TBC1D1: variants seen among roughly 807,000 people sequenced by gnomAD.
TBC1D1 encodes TBC1 (tre-2/USP6, BUB2, cdc16) domain family, member 1.
TBC1D1 carries 89 observed loss-of-function variants against 125.6 expected under a neutral mutation model. The ratio of observed to expected loss-of-function variants is 0.71; its 90% CI spans 0.60 to 0.85. The LOEUF is 0.85. Among genes scored for constraint, TBC1D1 ranks in the 40% least tolerant of loss-of-function variants. The pLI is 0.00. For missense variants in TBC1D1, 1,377 were observed against 1,469.2 expected (o/e 0.94, Z 1.03); for synonymous variants, 565 against 564.1 (o/e 1.00, Z -0.02).
intron 17 of TBC1D1, among the ~76,000 whole-genome samples, chr4:38,122,471 T>C (rs1436323755): frequency 6.6e-6 from 1 of 152,188 alleles, no homozygotes; most frequent in African/African-American, 2.4e-5. Context: ...CCTCCCTGTA[T>C]TGACACCCTA....
intron 3 of TBC1D1, among the ~76,000 whole-genome samples, chr4:38,017,082 G>A (rs1029863480): frequency 6.6e-6 from 1 of 152,144 alleles, no homozygotes; most frequent in Non-Finnish European, 1.5e-5. Context: ...GATCTCAGGA[G>A]CCCCACCCAA....
At chr4:38,038,617 T>A (rs940052211) in intron 8 of TBC1D1, among the ~76,000 whole-genome samples, 7 of 152,178 alleles carry the variant, frequency 4.6e-5, no homozygotes, top group African/African-American at 1.7e-4. Context: ...CCACTGCTGC[T>A]ACATTCAGGT....
At chr4:38,000,452 C>T (rs530364462) in intron 2 of TBC1D1, among the ~76,000 whole-genome samples, 44 of 152,156 alleles carry the variant, frequency 2.9e-4, no homozygotes, top group Non-Finnish European at 5.3e-4. Flanking sequence ...AGTTGAGCAT[C>T]CCAAATCTGA....
At chr4:38,050,978 C>T (rs7675606) in intron 11 of TBC1D1, among the ~76,000 whole-genome samples, 48,258 of 152,094 alleles carry the variant, frequency 0.32, 8,079 homozygotes, top group East Asian at 0.62. Flanking sequence ...AGACACACAT[C>T]GTTGGGTTGT....
At chr4:38,108,642 C>T (rs1560807121) in intron 15 of TBC1D1, among the ~76,000 whole-genome samples, 1 of 152,200 alleles carries the variant, frequency 6.6e-6, no homozygotes, top group Non-Finnish European at 1.5e-5. Context: ...GTCCAGACTA[C>T]ACGTGTGGGT....
Position 38,014,782 on chromosome 4 carries a change from C to G in TBC1D1, c.691C>G (p.Pro231Ala), listed in dbSNP as rs756003816. 2 of 1,600,690 alleles carry G rather than the reference C, an allele frequency of 1.2e-6. No homozygotes were observed. Among genetic ancestry groups the G allele is most frequent in the Non-Finnish European group, 1.7e-6 (2 of 1,173,038 alleles). ...AGGGAGCCAGGAGCCTGTGCGCAGG[C>G]CCATGCGCAAGTCCTTCTCCCAGCC... Residue 231 changes from proline to alanine, a missense_variant, in exon 3 of 20, where the codon CCC (proline) becomes GCC (alanine). This residue lies in a region of TBC1D1 where 822 missense variants were observed against 824.6 expected (regional missense o/e 1.00). Coordinates refer to ENST00000261439, the MANE Select transcript of TBC1D1 (RefSeq NM_015173.4). The surrounding 1 kb of genome is among the most constrained non-coding windows in gnomAD (Gnocchi z 5.1).
chr4:38,018,366 G>A lies in TBC1D1; in HGVS notation c.895G>A (p.Glu299Lys), dbSNP rs1333717438. ...TTTGTCTTTTAAGATTGGCCAGTCT[G>A]AAGTTTACCTCATCAGTCCTGACAC... Residue 299 changes from glutamate (E) to lysine (K), a missense_variant, in exon 4 of 20, where the codon GAA becomes AAA. By Grantham distance (56) the Glu-to-Lys change is moderately conservative. This residue lies in a region of TBC1D1 where 822 missense variants were observed against 824.6 expected (regional missense o/e 1.00). Transcript: ENST00000261439. 2 of 1,610,334 alleles carry A rather than the reference G, an allele frequency of 1.2e-6. No homozygotes were observed. The highest frequency in any genetic ancestry group is 1.3e-5 in the African/African-American group (1 of 74,664).
chr4:38,121,514 T>TG (rs1464051827), intron 17 of TBC1D1, among the ~76,000 whole-genome samples: 1 of 152,062 alleles, frequency 6.6e-6, no homozygotes, highest in African/African-American at 2.4e-5. Context: ...CTAGGTGGCT[T>TG]GAAAAAGGAG....
At chr4:38,122,846 A>G (rs1008470647) in intron 17 of TBC1D1, among the ~76,000 whole-genome samples, 12 of 152,236 alleles carry the variant, frequency 7.9e-5, no homozygotes, top group Non-Finnish European at 1.5e-4. Flanking sequence ...AATAAATCAT[A>G]TGCCCAGTGC....
chr4:38,132,434 G>A (rs1578870184), intron 18 of TBC1D1, among the ~76,000 whole-genome samples: 1 of 152,308 alleles, frequency 6.6e-6, no homozygotes, highest in African/African-American at 2.4e-5. Context: ...TAGGCACTTA[G>A]GAGTTGTTTT....
intron 2 of TBC1D1, among the ~76,000 whole-genome samples, chr4:37,925,235 G>A (rs1271219286): frequency 6.6e-6 from 1 of 152,186 alleles, no homozygotes; most frequent in Non-Finnish European, 1.5e-5. Context: ...CATGGATGGT[G>A]CAGGGCCAGG....
At chr4:37,955,644 G>A (rs1728781392) in intron 2 of TBC1D1, among the ~76,000 whole-genome samples, 1 of 152,118 alleles carries the variant, frequency 6.6e-6, no homozygotes, top group Admixed American at 6.5e-5. Context: ...ATCCACAGAT[G>A]CGAAACCCAT....
At chr4:37,917,499 T>C (rs2152266720) in intron 2 of TBC1D1, among the ~76,000 whole-genome samples, 1 of 152,176 alleles carries the variant, frequency 6.6e-6, no homozygotes. Flanking sequence ...ATAAAAGAAG[T>C]TGTGTAAACA....
At chr4:38,120,107 A>G in intron 17 of TBC1D1, 1 of 985,422 alleles carries the variant, frequency 1.0e-6, no homozygotes. Context: ...CAGCTTGTAA[A>G]GGTAAGATAT....
chr4:38,052,728 G>GCACAGA (rs1553926690), intron 11 of TBC1D1, among the ~76,000 whole-genome samples: 10 of 118,344 alleles, frequency 8.4e-5, no homozygotes, highest in Non-Finnish European at 1.4e-4. Flanking sequence ...GCGCGCGCGC[G>GCACAGA]CACACACACA....
chr4:38,133,302 G>A, intron 19 of TBC1D1, 45 bp downstream of exon 21: 5 of 1,574,250 alleles, frequency 3.2e-6, no homozygotes, highest in South Asian at 1.2e-5. Context: ...CAAATATATG[G>A]TAGTTCATTA....
intron 9 of TBC1D1, among the ~76,000 whole-genome samples, chr4:38,045,566 G>T (rs1207260294): frequency 6.6e-6 from 1 of 152,172 alleles, no homozygotes; most frequent in East Asian, 1.9e-4. Context: ...GAATTGTCTT[G>T]TCTTCCTGCC....
At position 38,090,137 on chromosome 4, in the gene TBC1D1, A is replaced by G. The variant is rs370431813; in HGVS notation, c.2236+20A>G. ...TCCAAGGTTGGTTTGCCATCTTGAT[A>G]TTGAACAGGCCTGGTCTTATCTTGG... On this transcript the variant is annotated intron_variant, in intron 13 of 19. Coordinates refer to ENST00000261439, the MANE Select transcript of TBC1D1 (RefSeq NM_015173.4). The G allele has an allele frequency of 1.2e-4, 200 of 1,613,058 alleles. No individual in the cohort carries two copies. Among genetic ancestry groups the G allele is most frequent in the Non-Finnish European group, 1.6e-4 (186 of 1,179,272 alleles).
intron 17 of TBC1D1, among the ~76,000 whole-genome samples, chr4:38,119,399 AT>A (rs1418364499): frequency 2.6e-5 from 4 of 152,080 alleles, no homozygotes; most frequent in Non-Finnish European, 5.9e-5. Flanking sequence ...ATAAGAATTC[AT>A]ATTCCTTCTT....
Sources: gnomAD v4.1 joint callset for allele counts (sites outside exome capture counted in the v4.1 genomes callset) on GRCh38, gnomAD v4.1.1 for gene constraint, gnomAD v4.1.1 regional missense constraint, Gnocchi (gnomAD v3.1) non-coding constraint, MANE v1.5 for transcripts, NCBI Gene and HGNC (gene_info 2026-07-23, HGNC 2026-07-21) for gene names.